The following SCAF1 variants were observed in gnomAD, a reference collection of about 807,000 sequenced individuals.
The protein encoded by SCAF1 is SR-related CTD associated factor 1.
SCAF1 carries 28 observed loss-of-function variants against 91.2 expected under a neutral mutation model. The observed-to-expected ratio is 0.31, with a 90% CI of 0.23 to 0.42. The LOEUF is 0.42. SCAF1 is among the 10% of genes least tolerant of loss of function. The pLI is 1.00. For missense variants in SCAF1, 1,893 were observed against 1,872.1 expected (o/e 1.01, Z -0.21); for synonymous variants, 1,036 against 833.7 (o/e 1.24, Z -4.18).
rs1023113212 is a variant in SCAF1, at chr19:49,646,695, C to T, written c.363-20C>T. ...AGCCAGAAGCACCCCTGAGGCTCAC[C>T]CACCCCTTCCGCCTTGCAGAAGTGA... On this transcript the variant is annotated intron_variant, in intron 5 of 10. Coordinates refer to ENST00000360565, the MANE Select transcript of SCAF1 (RefSeq NM_021228.3). The surrounding 1 kb of genome is among the most constrained non-coding windows in gnomAD (Gnocchi z 5.6). 4 of 1,613,026 alleles carry T rather than the reference C, an allele frequency of 2.5e-6. No individual in the cohort carries two copies. Among genetic ancestry groups the T allele is most frequent in the Non-Finnish European group, 2.5e-6 (3 of 1,179,186 alleles).
At chr19:49,649,006 A>G (rs1393287889) in intron 6 of SCAF1, among the ~76,000 whole-genome samples, 2 of 151,506 alleles carry the variant, frequency 1.3e-5, no homozygotes, top group East Asian at 1.9e-4. Context: ...GCTGCAGAGG[A>G]TAAGTAAACA....
chr19:49,646,073 CCT>C lies in SCAF1; in HGVS notation c.167-34_167-33del, dbSNP rs771206138. ...CCCCGCAAGTCTCTGCAGCAAGTCCCCTGTGTCCAATCCCCCATGCAAATCTC... is the reference window on the plus strand; with the variant it reads ...CCCCGCAAGTCTCTGCAGCAAGTCCCGTGTCCAATCCCCCATGCAAATCTC... On this transcript the variant is annotated intron_variant, in intron 3 of 10. Coordinates refer to ENST00000360565, the MANE Select transcript of SCAF1 (RefSeq NM_021228.3). The surrounding 1 kb of genome is among the most constrained non-coding windows in gnomAD (Gnocchi z 5.6). 6.3e-7 allele frequency: 1 copy of C among 1,584,118 alleles called. No individual in the cohort carries two copies. The highest frequency in any genetic ancestry group is 1.1e-5 in the South Asian group (1 of 90,518).
rs781326488 is a variant in SCAF1 at position 49,645,360 on chromosome 19, A to G, written c.115A>G (p.Ile39Val). 4.3e-6 allele frequency: 7 copies of G among 1,613,980 alleles called. No individual in the cohort carries two copies. The Admixed American group carries it at 1.0e-4, about 23-fold the overall frequency. Reference sequence around the variant, plus strand: ...TTCTTCCCCCCTTCCCCAGCGAGCCATCCAGCAGGCTGTGGGAAGCTCCCT... The same window carrying G: ...TTCTTCCCCCCTTCCCCAGCGAGCCGTCCAGCAGGCTGTGGGAAGCTCCCT... ...LSPSAFILRAIQQAVGSSLQG... is the reference protein window; with the variant it reads ...LSPSAFILRAVQQAVGSSLQG... Residue 39 changes from isoleucine to valine, a missense_variant, in exon 3 of 11, where the codon ATC becomes GTC. Ile to Val is a conservative substitution (Grantham distance 29). Transcript: ENST00000360565. The surrounding 1 kb of genome is among the most constrained non-coding windows in gnomAD (Gnocchi z 4.6).
Position 49,645,427 on chromosome 19 carries a change from G to T in SCAF1, c.166+16G>T, listed in dbSNP as rs557269038. The T allele has an allele frequency of 6.2e-6, 10 of 1,611,146 alleles. No individual in the cohort carries two copies. The African/African-American group carries it at 9.3e-5, about 15-fold the overall frequency. Reference sequence around the variant, plus strand: ...AATGATAAAGGTATGGCGGCTTCCGGTTCCTTTTAGCCCCTGCCCCCTCTC... The same window carrying T: ...AATGATAAAGGTATGGCGGCTTCCGTTTCCTTTTAGCCCCTGCCCCCTCTC... On this transcript the variant is annotated intron_variant, in intron 3 of 10. Transcript: ENST00000360565. This position sits in a 1 kb window ranked among gnomAD's most constrained non-coding sequence, Gnocchi z 4.6.
Position 49,654,785 on chromosome 19 carries a change from C to G in SCAF1, c.3533C>G (p.Thr1178Ser). 1 of 1,608,290 alleles carries G rather than the reference C, an allele frequency of 6.2e-7. No homozygotes were observed. The highest frequency in any genetic ancestry group is 8.5e-7 in the Non-Finnish European group (1 of 1,176,682). ...CTCCCTCTGGGGGGCTGCGGTTCGA[C>G]CCCCCCCACCCCCACCGGGCTGGCT... ...GSLPLGGCGS[T>S]PPTPTGLAAT... The change falls in exon 9 of 11, where the codon ACC (threonine) becomes AGC (serine). Residue 1178 changes from threonine (T) to serine (S), a missense_variant. By Grantham distance (58) the Thr-to-Ser change is moderately conservative. This residue lies in a region of SCAF1 where 1,436 missense variants were observed against 1,306.8 expected (regional missense o/e 1.10). Transcript: ENST00000360565.
chr19:49,644,351 T>A (rs902770492), intron 1 of SCAF1, among the ~76,000 whole-genome samples: 1 of 152,232 alleles, frequency 6.6e-6, no homozygotes, highest in African/African-American at 2.4e-5. Context: ...TTTGTGCAGA[T>A]GGCGATAGGT....
chr19:49,640,596 G>GAGT (rs2081021435), upstream of SCAF1, among the ~76,000 whole-genome samples: 2 of 152,168 alleles, frequency 1.3e-5, no homozygotes, highest in Non-Finnish European at 2.9e-5. Context: ...AGGTTTTGAG[G>GAGT]AGTAGCTCCA....
chr19:49,652,752 G>A lies in SCAF1; in HGVS notation c.2363G>A (p.Arg788Lys). ...RDRDRDRDRD[R>K]DRSSKKARPP... Reference sequence around the variant, plus strand: ...CGGGACAGGGACAGAGATAGGGACAGGGACAGGTCATCCAAGAAGGCCCGG... The same window carrying A: ...CGGGACAGGGACAGAGATAGGGACAAGGACAGGTCATCCAAGAAGGCCCGG... The change falls in exon 7 of 11, where the codon AGG becomes AAG. Residue 788 changes from arginine (R) to lysine (K), a missense_variant. By Grantham distance (26) the Arg-to-Lys change is conservative. Around this residue, in one of 5 missense-constraint regions of SCAF1, gnomAD observed 1,436 missense variants for 1,306.8 expected, o/e 1.10. Coordinates refer to ENST00000360565, the MANE Select transcript of SCAF1 (RefSeq NM_021228.3). 6.2e-7 allele frequency: 1 copy of A among 1,610,526 alleles called. No homozygotes were observed. Among genetic ancestry groups the A allele is most frequent in the Non-Finnish European group, 8.5e-7 (1 of 1,178,732 alleles).
Position 49,652,062 on chromosome 19 carries a change from G to A in SCAF1, c.1673G>A (p.Arg558Gln). The change falls in exon 7 of 11, where the codon CGG becomes CAG. Residue 558 changes from arginine (R) to glutamine (Q), a missense_variant. Arg to Gln is a conservative substitution (Grantham distance 43). Coordinates refer to ENST00000360565, the MANE Select transcript of SCAF1 (RefSeq NM_021228.3). ...TGGGACTCCAAGAAGCACCGCTCGC[G>A]GGACCGCAAGCCCGGCTCCCACGCC... ...SPWDSKKHRS[R>Q]DRKPGSHASS... 7 of 1,224,496 alleles carry A rather than the reference G, an allele frequency of 5.7e-6. No individual in the cohort carries two copies. Among genetic ancestry groups the A allele is most frequent in the Non-Finnish European group, 7.2e-6 (7 of 969,054 alleles). 75.9% of individuals were successfully genotyped at this position (1,224,496 alleles called of 1,614,324 possible). A position where few individuals can be genotyped will look rare whatever the true frequency, so the allele number is the denominator to read the frequency against.
intron 10 of SCAF1, 124 bp downstream of exon 10, chr19:49,658,013 G>T: frequency 7.2e-7 from 1 of 1,381,822 alleles, no homozygotes. Flanking sequence ...GGTGAGGAGG[G>T]TGACAGGATT....
At chr19:49,641,158 G>A (rs947286581), upstream of SCAF1, among the ~76,000 whole-genome samples, 4 of 152,132 alleles carry the variant, frequency 2.6e-5, no homozygotes, top group African/African-American at 9.7e-5. Context: ...CTGGGAGACC[G>A]ACTCTTGGAT....
chr19:49,642,413 G>A lies in SCAF1; in HGVS notation c.-7+171G>A, dbSNP rs1348492338. Among the ~76,000 whole-genome samples, 2 of 152,182 alleles carry A rather than the reference G, an allele frequency of 1.3e-5. No individual in the cohort carries two copies. The highest frequency in any genetic ancestry group is 2.9e-5 in the Non-Finnish European group (2 of 68,022). ...GCGGCGAAACCTGGCGCCGAGAGGG[G>A]GGCCTTCTCAGGGCCCCGGGACGCA... On this transcript the variant is annotated intron_variant, in intron 1 of 10. Coordinates refer to ENST00000360565, the MANE Select transcript of SCAF1 (RefSeq NM_021228.3). The surrounding 1 kb of genome is among the most constrained non-coding windows in gnomAD (Gnocchi z 4.0).
Position 49,654,654 on chromosome 19 carries a change from C to G in SCAF1, c.3402C>G (p.Ile1134Met). The G allele has an allele frequency of 6.2e-7, 1 of 1,611,630 alleles. No homozygotes were observed. The highest frequency in any genetic ancestry group is 8.5e-7 in the Non-Finnish European group (1 of 1,178,378). ...ACCCCTCTGTCCTCGTCCCACAGATCCTCAGCCACAGAAAGCCACCCTCAA... is the reference window on the plus strand; with the variant it reads ...ACCCCTCTGTCCTCGTCCCACAGATGCTCAGCCACAGAAAGCCACCCTCAA... ...AQELIQATNQ[I>M]LSHRKPPSSL... The change falls in exon 9 of 11, where the codon ATC becomes ATG. Residue 1134 changes from isoleucine to methionine, a missense_variant and splice_region_variant. Around this residue, in one of 5 missense-constraint regions of SCAF1, gnomAD observed 1,436 missense variants for 1,306.8 expected, o/e 1.10. Transcript: ENST00000360565.
upstream of SCAF1, among the ~76,000 whole-genome samples, chr19:49,641,441 C>A (rs1025717480): frequency 6.6e-6 from 1 of 152,164 alleles, no homozygotes; most frequent in Admixed American, 6.5e-5. Context: ...CTCAGCCTCC[C>A]GAGTAGCTGG....
chr19:49,644,930 G>A (rs1190893962), intron 1 of SCAF1, 91 bp from the exon 2 acceptor site: 5 of 829,848 alleles, frequency 6.0e-6, no homozygotes, highest in Admixed American at 2.3e-5. Context: ...GAGGGAGATA[G>A]TGTGGGGCCC....
chr19:49,657,782 C>G lies in SCAF1; in HGVS notation c.3640C>G (p.Gln1214Glu). ...CCAGTATCTGAAGAAGCTGCACACG[C>G]AGGAGCGGGCGGTGGAGGAGGTGAA... Reference protein sequence around the residue: ...TDKYLKKLHTQERAVEEVKLA... With the variant: ...TDKYLKKLHTEERAVEEVKLA... The change falls in exon 10 of 11, where the codon CAG becomes GAG. Residue 1214 changes from glutamine (Q) to glutamate (E), a missense_variant. Around this residue, in one of 5 missense-constraint regions of SCAF1, gnomAD observed 56 missense variants for 106.3 expected, o/e 0.53. Transcript: ENST00000360565. 1 of 1,603,950 alleles carries G rather than the reference C, an allele frequency of 6.2e-7. No homozygotes were observed. Among genetic ancestry groups the G allele is most frequent in the African/African-American group, 1.3e-5 (1 of 74,892 alleles).
Position 49,658,321 on chromosome 19 carries a change from CCCAGGGCCCCCACGGCCGCCCAAGGAG to C in SCAF1, c.3874_3900del (p.Arg1292_Pro1300del), listed in dbSNP as rs2081159901. ...AGCACGGTCGCAAGCCAGGGGACCC[CCCAGGGCCCCCACGGCCGCCCAAGGAG>C]CCAGGGCCCCCAGACAAGGGTGGCC... On this transcript the variant is annotated inframe_deletion, in exon 11 of 11. Transcript: ENST00000360565. 6.3e-7 allele frequency: 1 copy of C among 1,600,000 alleles called. No individual in the cohort carries two copies. Among genetic ancestry groups the C allele is most frequent in the Non-Finnish European group, 8.5e-7 (1 of 1,174,126 alleles).
At chr19:49,641,922 A>G (rs1599817590), upstream of SCAF1, among the ~76,000 whole-genome samples, 1 of 152,308 alleles carries the variant, frequency 6.6e-6, no homozygotes, top group Admixed American at 6.5e-5. Context: ...CGCGCAGGGC[A>G]CTGTGGGGCG....
rs1311275929 is a variant in SCAF1, at chr19:49,653,309, C to T, written c.2920C>T (p.Pro974Ser). ...WSGEERAAKVPSTPPPKAAPP... is the reference protein window; with the variant it reads ...WSGEERAAKVSSTPPPKAAPP... ...CGGGGAGGAGCGGGCAGCCAAGGTT[C>T]CTAGCACCCCGCCCCCCAAGGCAGC... The change falls in exon 7 of 11, where the codon CCT (proline) becomes TCT (serine). Residue 974 changes from proline (P) to serine (S), a missense_variant. Physicochemically the swap from Pro to Ser is moderately conservative, Grantham distance 74. This residue lies in a region of SCAF1 where 1,436 missense variants were observed against 1,306.8 expected (regional missense o/e 1.10). Coordinates refer to ENST00000360565, the MANE Select transcript of SCAF1 (RefSeq NM_021228.3). 6.8e-6 allele frequency: 10 copies of T among 1,466,778 alleles called. No homozygotes were observed. Among genetic ancestry groups the T allele is most frequent in the Non-Finnish European group, 9.0e-6 (10 of 1,107,796 alleles). 90.9% of individuals were successfully genotyped at this position (1,466,778 alleles called of 1,614,324 possible). A position where few individuals can be genotyped will look rare whatever the true frequency, so the allele number is the denominator to read the frequency against.
Sources: gnomAD v4.1 joint callset for allele counts (sites outside exome capture counted in the v4.1 genomes callset) on GRCh38, gnomAD v4.1.1 for gene constraint, gnomAD v4.1.1 regional missense constraint, Gnocchi (gnomAD v3.1) non-coding constraint, MANE v1.5 for transcripts, NCBI Gene and HGNC (gene_info 2026-07-23, HGNC 2026-07-21) for gene names.